Variants in MCU observed in about 807,000 individuals in gnomAD.
The protein encoded by MCU is mitochondrial calcium uniporter.
MCU carries 12 observed loss-of-function variants against 45.2 expected under a neutral mutation model. The observed-to-expected ratio is 0.27, with a 90% CI of 0.17 to 0.43. The LOEUF (loss-of-function observed/expected upper bound fraction) is 0.43. Ranked by LOEUF, MCU falls within the 20% of genes least tolerant of loss-of-function variation. MCU has a pLI of 1.00. For synonymous variants in MCU, 160 were observed against 165.1 expected (o/e 0.97, Z 0.24); for missense variants, 324 against 436.7 (o/e 0.74, Z 2.30).
chr10:72,825,024 G>A lies in MCU; in HGVS notation c.151-9335G>A, dbSNP rs190030642. ...CAAGGTCAAAATACAGTAGCAACATGGGAGTGTACATTACTGAAATTTTTT... is the reference window on the plus strand; with the variant it reads ...CAAGGTCAAAATACAGTAGCAACATAGGAGTGTACATTACTGAAATTTTTT... On this transcript the variant is annotated intron_variant, in intron 1 of 7. Transcript: ENST00000373053. Among the ~76,000 whole-genome samples the A allele has an allele frequency of 1.1e-3, 175 of 152,228 alleles. 1 individual carries two copies. The highest frequency in any genetic ancestry group is 4.0e-3 in the African/African-American group (167 of 41,530).
intron 1 of MCU, among the ~76,000 whole-genome samples, chr10:72,767,510 CTG>C (rs1044856276): frequency 6.6e-6 from 1 of 151,682 alleles, no homozygotes; most frequent in Non-Finnish European, 1.5e-5. Flanking sequence ...TTTAATTTAA[CTG>C]TGTTTTAATT....
At chr10:72,823,286 C>T (rs944394972) in intron 1 of MCU, among the ~76,000 whole-genome samples, 3 of 152,136 alleles carry the variant, frequency 2.0e-5, no homozygotes, top group African/African-American at 4.8e-5. Context: ...AATTGGGCCC[C>T]GTGCATGCTT....
chr10:72,694,157 A>C (rs1334289253), intron 1 of MCU, among the ~76,000 whole-genome samples: 1 of 152,238 alleles, frequency 6.6e-6, no homozygotes, highest in South Asian at 2.1e-4. Context: ...TGACTTGTAC[A>C]TGAATTTAGA....
At chr10:72,846,171 T>C (rs747151606) in intron 2 of MCU, among the ~76,000 whole-genome samples, 2 of 151,996 alleles carry the variant, frequency 1.3e-5, no homozygotes, top group African/African-American at 4.8e-5. Context: ...GTCTCCCGAG[T>C]AGCTGGGATT....
At chr10:72,724,841 G>A (rs1055782049) in intron 1 of MCU, among the ~76,000 whole-genome samples, 4 of 152,204 alleles carry the variant, frequency 2.6e-5, no homozygotes, top group Non-Finnish European at 5.9e-5. Context: ...TTATTGGGAA[G>A]GAGATGCCAG....
chr10:72,827,377 C>A (rs552051485), intron 1 of MCU, among the ~76,000 whole-genome samples: 1 of 152,014 alleles, frequency 6.6e-6, no homozygotes, highest in Non-Finnish European at 1.5e-5. Flanking sequence ...AATAAGCAGC[C>A]CTTTAATATA....
chr10:72,882,548 A>G (rs894772338), intron 6 of MCU, among the ~76,000 whole-genome samples: 6 of 152,006 alleles, frequency 3.9e-5, no homozygotes, highest in East Asian at 1.9e-4. Context: ...GATGAAATAA[A>G]CCCCGGTCTC....
intron 1 of MCU, among the ~76,000 whole-genome samples, chr10:72,789,675 T>C (rs1178574824): frequency 2.0e-5 from 3 of 152,168 alleles, no homozygotes; most frequent in African/African-American, 7.2e-5. Flanking sequence ...CCTCCAGGAT[T>C]CCTAGCTTGC....
intron 4 of MCU, among the ~76,000 whole-genome samples, chr10:72,865,235 G>A (rs1387029165): frequency 6.6e-6 from 1 of 152,124 alleles, no homozygotes; most frequent in Non-Finnish European, 1.5e-5. Context: ...AAAACAACCC[G>A]TTGCTTTATC....
intron 1 of MCU, among the ~76,000 whole-genome samples, chr10:72,755,283 G>A (rs1654252785): frequency 1.3e-5 from 2 of 151,972 alleles, no homozygotes; most frequent in African/African-American, 4.8e-5. Flanking sequence ...CAAGGAGCTG[G>A]GATTACAGGC....
At chr10:72,832,934 A>G (rs2395006) in intron 1 of MCU, among the ~76,000 whole-genome samples, 13,374 of 143,738 alleles carry the variant, frequency 0.093, 1,999 homozygotes, top group African/African-American at 0.31. Flanking sequence ...ACCAATAGCT[A>G]TGTGTGTGTG....
chr10:72,846,110 T>G (rs149099088), intron 2 of MCU, among the ~76,000 whole-genome samples: 3,545 of 152,096 alleles, frequency 0.023, 132 homozygotes, highest in African/African-American at 0.082. Flanking sequence ...TGGTGCAATA[T>G]CAGCTCACTG....
intron 1 of MCU, among the ~76,000 whole-genome samples, chr10:72,764,566 C>T (rs1343319976): frequency 6.6e-6 from 1 of 152,158 alleles, no homozygotes; most frequent in Non-Finnish European, 1.5e-5. Context: ...TCTTACATTA[C>T]ACTGCTAAAA....
chr10:72,871,113 T>TG (rs1845536317), intron 5 of MCU, among the ~76,000 whole-genome samples: 1 of 152,108 alleles, frequency 6.6e-6, no homozygotes, highest in Non-Finnish European at 1.5e-5. Context: ...TCGCCCAGGC[T>TG]GGTCTTGAAC....
chr10:72,807,426 G>C (rs1220043833), intron 1 of MCU, among the ~76,000 whole-genome samples: 2 of 151,064 alleles, frequency 1.3e-5, no homozygotes, highest in Non-Finnish European at 2.9e-5. Flanking sequence ...CTTTTAATGT[G>C]GTCTAAGCCA....
chr10:72,692,758 C>T lies in MCU; in HGVS notation c.150+457C>T, dbSNP rs981802048. 5.2e-6 allele frequency: 7 copies of T among 1,348,198 alleles called. No homozygotes were observed. In the South Asian group the frequency reaches 5.8e-5, roughly 11 times the overall value. 83.5% of individuals were successfully genotyped at this position (1,348,198 alleles called of 1,614,324 possible). ...GTGTGTGCCAGGAGAGTGGCAGTGC[C>T]ATGCTGCTGGGAGCTGCCCCGGAGA... On this transcript the variant is annotated intron_variant, in intron 1 of 7. Coordinates refer to ENST00000373053, the MANE Select transcript of MCU (RefSeq NM_138357.3).
intron 1 of MCU, among the ~76,000 whole-genome samples, chr10:72,710,212 G>A (rs930209393): frequency 3.3e-5 from 5 of 152,074 alleles, no homozygotes; most frequent in Admixed American, 3.3e-4. Context: ...TCCTGACCTC[G>A]TGATCTGCCC....
At chr10:72,763,905 T>TC (rs1589449379) in intron 1 of MCU, among the ~76,000 whole-genome samples, 1 of 152,062 alleles carries the variant, frequency 6.6e-6, no homozygotes, top group Non-Finnish European at 1.5e-5. Context: ...ATTAATACTC[T>TC]CCCCTTCACA....
intron 1 of MCU, among the ~76,000 whole-genome samples, chr10:72,777,440 A>G (rs1276903262): frequency 3.3e-5 from 5 of 152,218 alleles, no homozygotes; most frequent in African/African-American, 9.6e-5. Flanking sequence ...AGAACATACA[A>G]TGGGGAAAGG....
Sources: allele counts gnomAD v4.1 joint callset (sites outside exome capture counted in the v4.1 genomes callset), GRCh38; gene constraint gnomAD v4.1.1; transcripts MANE v1.5; gene names NCBI Gene and HGNC (gene_info 2026-07-23, HGNC 2026-07-21).